TIPIN: variants seen among roughly 807,000 people sequenced by gnomAD.
TIPIN encodes the protein TIMELESS-interacting protein.
TIPIN carries 29 observed loss-of-function variants against 35.6 expected under a neutral mutation model. The observed-to-expected ratio is 0.82, with a 90% confidence interval of 0.61 to 1.11. The LOEUF (loss-of-function observed/expected upper bound fraction) is 1.11. TIPIN is among the 50% of genes most tolerant of loss of function. The probability of loss-of-function intolerance (pLI) is 0.00; values close to 1 mark genes in which losing one functional copy is unlikely to be tolerated. For synonymous variants in TIPIN, 102 were observed against 121.5 expected, an observed-to-expected ratio of 0.84 and a Z score of 1.06; for missense variants, 296 against 345.4, an observed-to-expected ratio of 0.86 and a Z score of 1.13.
intron 6 of TIPIN, among the ~76,000 whole-genome samples, chr15:66,342,205 A>AAG (rs1000770316): frequency 2.0e-5 from 3 of 150,636 alleles, no homozygotes; most frequent in African/African-American, 7.3e-5. Flanking sequence ...AAAAAAAAAA[A>AAG]AAAGAAAGAA....
intron 1 of TIPIN, among the ~76,000 whole-genome samples, chr15:66,373,053 T>G (rs1278768854): frequency 6.6e-6 from 1 of 152,220 alleles, no homozygotes; most frequent in Non-Finnish European, 1.5e-5. Context: ...GGCTGTATCA[T>G]GTAGCCTAGG....
At chr15:66,366,182 G>A (rs1170586040) in intron 1 of TIPIN, among the ~76,000 whole-genome samples, 2 of 151,654 alleles carry the variant, frequency 1.3e-5, no homozygotes, top group Non-Finnish European at 2.9e-5. Flanking sequence ...TTGGCCGGGC[G>A]CAGTGGCTCA....
intron 1 of TIPIN, among the ~76,000 whole-genome samples, chr15:66,380,615 G>A (rs2093315447): frequency 6.6e-6 from 1 of 152,052 alleles, no homozygotes; most frequent in Non-Finnish European, 1.5e-5. Context: ...AGGAGTTAGA[G>A]ACCAGCCTGA....
chr15:66,336,210 T>C lies in TIPIN; in HGVS notation c.*748A>G, dbSNP rs2093044136. The C allele has an allele frequency of 6.6e-6, 1 of 152,202 alleles. No individual in the cohort carries two copies. Among genetic ancestry groups the C allele is most frequent in the South Asian group, 2.1e-4 (1 of 4,826 alleles). The allele number at this position is 152,202 out of a possible 1,614,324, so 9.4% of individuals were successfully genotyped here. A position where few individuals can be genotyped will look rare whatever the true frequency, so the allele number is the denominator to read the frequency against. Reference sequence around the variant, plus strand: ...TGTAGATAGTTTTTAAGATAATTTTTACTTCTTTTAAAAAATTGACATTAA... The same window carrying C: ...TGTAGATAGTTTTTAAGATAATTTTCACTTCTTTTAAAAAATTGACATTAA... On this transcript the variant is annotated 3_prime_UTR_variant, in exon 8 of 8. Transcript: ENST00000261881.
intron 1 of TIPIN, among the ~76,000 whole-genome samples, chr15:66,368,627 A>G (rs1208607792): frequency 6.6e-6 from 1 of 152,152 alleles, no homozygotes; most frequent in East Asian, 1.9e-4. Flanking sequence ...ATAGAACTCA[A>G]AAGAAGTATG....
At chr15:66,359,312 T>C (rs899665099), upstream of TIPIN, among the ~76,000 whole-genome samples, 1 of 152,162 alleles carries the variant, frequency 6.6e-6, no homozygotes, top group African/African-American at 2.4e-5. Context: ...ATAATATATA[T>C]TAATATTAAG....
At chr15:66,382,843 T>G (rs772359950) in intron 1 of TIPIN, 1 of 586,948 alleles carries the variant, frequency 1.7e-6, no homozygotes, top group Non-Finnish European at 2.1e-6. Flanking sequence ...TATACATCAC[T>G]GATTCATACA....
chr15:66,357,595 CAAAAAAAAAAAAAAA>C (rs574898699), upstream of TIPIN, among the ~76,000 whole-genome samples: 3 of 63,440 alleles, frequency 4.7e-5, no homozygotes, highest in African/African-American at 1.7e-4. Flanking sequence ...GATCTTGTCG[CAAAAAAAAAAAAAAA>C]AAAAAAAAAA....
At chr15:66,355,002 T>G (rs1030094049) in intron 1 of TIPIN, among the ~76,000 whole-genome samples, 2 of 151,650 alleles carry the variant, frequency 1.3e-5, no homozygotes, top group Admixed American at 1.3e-4. Context: ...CCAATGCTGT[T>G]ACACAGCAAG....
chr15:66,380,340 G>A (rs1160538545), intron 1 of TIPIN, among the ~76,000 whole-genome samples: 1 of 152,046 alleles, frequency 6.6e-6, no homozygotes, highest in Non-Finnish European at 1.5e-5. Context: ...TGGCCAGGTA[G>A]TTGTCCCTGT....
intron 1 of TIPIN, among the ~76,000 whole-genome samples, chr15:66,374,381 T>C (rs2093288463): frequency 6.7e-6 from 1 of 149,984 alleles, no homozygotes; most frequent in Non-Finnish European, 1.5e-5. Flanking sequence ...CTTGTGAAGT[T>C]CCTGTTCAAG....
At position 66,336,558 on chromosome 15, in the gene TIPIN, AAAAC is replaced by A; in HGVS notation, c.*396_*399del. 1 of 178,950 alleles carries A rather than the reference AAAAC, an allele frequency of 5.6e-6. No homozygotes were observed. Among genetic ancestry groups the A allele is most frequent in the Non-Finnish European group, 1.2e-5 (1 of 83,076 alleles). The allele number at this position is 178,950 out of a possible 1,614,324, so 11.1% of individuals were successfully genotyped here. A position where few individuals can be genotyped will look rare whatever the true frequency, so the allele number is the denominator to read the frequency against. On this transcript the variant is annotated 3_prime_UTR_variant, in exon 8 of 8. Transcript: ENST00000261881. ...AACAGAGTGAGACTCTGTGTCAAAA[AAAAC>A]AAAACAAAACAAAACAAAAAACTTC...
chr15:66,368,813 CCAAA>C (rs1312339580), intron 1 of TIPIN, among the ~76,000 whole-genome samples: 2 of 152,062 alleles, frequency 1.3e-5, no homozygotes, highest in Admixed American at 6.6e-5. Context: ...AATGTCCTAG[CCAAA>C]CAAACCTACT....
chr15:66,361,088 G>A (rs1215738007), upstream of TIPIN, among the ~76,000 whole-genome samples: 17 of 150,610 alleles, frequency 1.1e-4, no homozygotes, highest in African/African-American at 3.4e-4. Context: ...AGCAAAGATT[G>A]TGCCACTGCA....
chr15:66,339,352 C>T (rs2093069619), intron 7 of TIPIN, among the ~76,000 whole-genome samples: 2 of 151,190 alleles, frequency 1.3e-5, no homozygotes, highest in Non-Finnish European at 2.9e-5. Flanking sequence ...CTCAAGTGAT[C>T]TGCCCACCTC....
intron 1 of TIPIN, among the ~76,000 whole-genome samples, chr15:66,384,959 C>G (rs1219197465): frequency 6.6e-6 from 1 of 152,074 alleles, no homozygotes; most frequent in African/African-American, 2.4e-5. Context: ...AAAAACAAAA[C>G]AAAACAATGA....
intron 4 of TIPIN, 123 bp from the exon 5 acceptor site, chr15:66,349,560 A>T: frequency 7.9e-7 from 1 of 1,270,600 alleles, no homozygotes; most frequent in African/African-American, 1.5e-5. Context: ...TATAAGGTTG[A>T]AAAACTTATA....
chr15:66,372,641 C>T (rs1004036792), intron 1 of TIPIN, among the ~76,000 whole-genome samples: 18 of 152,344 alleles, frequency 1.2e-4, no homozygotes, highest in African/African-American at 4.1e-4. Context: ...ACCTGTGGCT[C>T]ACGCCTGTAA....
intron 1 of TIPIN, chr15:66,379,125 G>A (rs1340939436): frequency 5.3e-6 from 3 of 567,026 alleles, no homozygotes; most frequent in Non-Finnish European, 8.8e-6. Context: ...CTGGCGTTAA[G>A]CAATTGTCCC....
Sources: allele counts gnomAD v4.1 joint callset (sites outside exome capture counted in the v4.1 genomes callset), GRCh38; gene constraint gnomAD v4.1.1; transcripts MANE v1.5; gene names NCBI Gene and HGNC (gene_info 2026-07-23, HGNC 2026-07-21).